POSTN: variants seen among roughly 807,000 people sequenced by gnomAD.
POSTN encodes periostin.
In POSTN, 71 loss-of-function variants were observed where a neutral mutation model predicts 104.5. The ratio of observed to expected loss-of-function variants is 0.68; its 90% confidence interval spans 0.56 to 0.83. The LOEUF (loss-of-function observed/expected upper bound fraction) is 0.83. POSTN is among the 40% of genes least tolerant of loss of function. POSTN has a pLI of 0.00. For synonymous variants in POSTN, 355 were observed against 340.7 expected (o/e 1.04, Z -0.46); for missense variants, 949 against 1,006.8 (o/e 0.94, Z 0.78).
At chr13:37,577,129 G>A (rs578251193) in intron 16 of POSTN, among the ~76,000 whole-genome samples, 3 of 152,184 alleles carry the variant, frequency 2.0e-5, no homozygotes, top group South Asian at 2.1e-4. Flanking sequence ...TATACTACTA[G>A]CTACACTTAT....
At chr13:37,592,525 C>T (rs1260872505) in intron 2 of POSTN, among the ~76,000 whole-genome samples, 1 of 152,164 alleles carries the variant, frequency 6.6e-6, no homozygotes, top group African/African-American at 2.4e-5. Context: ...GTCTCAATTT[C>T]CTGACCTCAT....
At chr13:37,566,678 C>T (rs1166102823) in intron 21 of POSTN, among the ~76,000 whole-genome samples, 8 of 152,240 alleles carry the variant, frequency 5.3e-5, no homozygotes, top group South Asian at 4.1e-4. Context: ...GGCAGATTTG[C>T]GAAAACCTTC....
At position 37,589,231 on chromosome 13, in the gene POSTN, G is replaced by A. The variant is rs539830182; in HGVS notation, c.441+1141C>T. ...GAAGAAACAAGTCCAAACAACAAGC[G>A]TAGGTTTACTGTTTGTATGCACTAA... On this transcript the variant is annotated intron_variant, in intron 4 of 22. Transcript: ENST00000379747. Among the ~76,000 whole-genome samples the A allele has an allele frequency of 2.0e-5, 3 of 152,246 alleles. No individual in the cohort carries two copies. In the East Asian group the frequency reaches 5.8e-4, roughly 29 times the overall value.
chr13:37,580,439 A>G, intron 11 of POSTN, 122 bp downstream of exon 11: 1 of 1,120,208 alleles, frequency 8.9e-7, no homozygotes, highest in Non-Finnish European at 1.3e-6. Flanking sequence ...TTGTATGAAC[A>G]TTTTATTCTA....
At chr13:37,571,785 A>G (rs981361918) in intron 17 of POSTN, among the ~76,000 whole-genome samples, 1 of 151,742 alleles carries the variant, frequency 6.6e-6, no homozygotes, top group Non-Finnish European at 1.5e-5. Context: ...CAGATCATGC[A>G]GTATGTACAC....
intron 2 of POSTN, among the ~76,000 whole-genome samples, chr13:37,592,456 G>A (rs1447707278): frequency 6.6e-6 from 1 of 151,968 alleles, no homozygotes; most frequent in Non-Finnish European, 1.5e-5. Flanking sequence ...CTACCACCAC[G>A]CCTGGCTAAT....
intron 10 of POSTN, among the ~76,000 whole-genome samples, 172 bp downstream of exon 10, chr13:37,582,194 C>A (rs969913692): frequency 6.6e-6 from 1 of 152,178 alleles, no homozygotes; most frequent in African/African-American, 2.4e-5. Flanking sequence ...ATACATAGCA[C>A]TTGTTGTGGA....
At chr13:37,566,325 A>G (rs1180066342) in intron 21 of POSTN, among the ~76,000 whole-genome samples, 2 of 152,148 alleles carry the variant, frequency 1.3e-5, no homozygotes, top group Non-Finnish European at 2.9e-5. Context: ...AATTATTTTG[A>G]CATTTTATTT....
Position 37,563,297 on chromosome 13 carries a change from G to C in POSTN, c.*36C>G. The stretch of plus-strand genomic sequence containing the variant: ...TTTCTAAGGTCAGGTTATTGACTTA[G>C]GGTTGTATAAACATTTTTTTCTGGT... On this transcript the variant is annotated 3_prime_UTR_variant, in exon 23 of 23. Coordinates refer to ENST00000379747, the MANE Select transcript of POSTN (RefSeq NM_006475.3). 1 of 1,504,460 alleles carries C rather than the reference G, an allele frequency of 6.6e-7. No individual in the cohort carries two copies. The highest frequency in any genetic ancestry group is 1.7e-4 in the Middle Eastern group (1 of 5,770). The allele number at this position is 1,504,460 out of a possible 1,614,324, so 93.2% of individuals were successfully genotyped here. A position where few individuals can be genotyped will look rare whatever the true frequency, so the allele number is the denominator to read the frequency against.
At position 37,595,834 on chromosome 13, in the gene POSTN, A is replaced by G. The variant is rs997108206; in HGVS notation, c.218+1350T>C. On this transcript the variant is annotated intron_variant, in intron 2 of 22. Coordinates refer to ENST00000379747, the MANE Select transcript of POSTN (RefSeq NM_006475.3). ...ATCTTTTTTTTTTTTTTTTTGAGAC[A>G]GAGTCTCACTCTGTTGCCCACTCGG... Among the ~76,000 whole-genome samples, 14 of 147,044 alleles carry G rather than the reference A, an allele frequency of 9.5e-5. No individual in the cohort carries two copies. In the Admixed American group the frequency reaches 9.5e-4, roughly 10 times the overall value.
At chr13:37,581,568 TA>T (rs554414669) in intron 10 of POSTN, among the ~76,000 whole-genome samples, 1 of 151,942 alleles carries the variant, frequency 6.6e-6, no homozygotes, top group African/African-American at 2.4e-5. Flanking sequence ...AAAATTAAAT[TA>T]AAAAATTAAC....
chr13:37,585,991 G>T, intron 7 of POSTN, 148 bp downstream of exon 7: 1 of 575,214 alleles, frequency 1.7e-6, no homozygotes, highest in South Asian at 5.0e-5. Context: ...CTCTTTTAAG[G>T]ACTTTTGGAA....
At chr13:37,597,863 C>T (rs1263209379) in intron 1 of POSTN, among the ~76,000 whole-genome samples, 1 of 152,162 alleles carries the variant, frequency 6.6e-6, no homozygotes, top group Admixed American at 6.5e-5. Flanking sequence ...CATCCTCTGT[C>T]ACAATTTTAA....
chr13:37,590,336 CA>C, intron 4 of POSTN, 35 bp downstream of exon 4: 1 of 1,459,670 alleles, frequency 6.9e-7, no homozygotes, highest in Non-Finnish European at 9.2e-7. Flanking sequence ...ACAATAACAG[CA>C]AAAAATAAAT....
chr13:37,571,273 A>T, intron 18 of POSTN, 96 bp downstream of exon 18: 1 of 812,616 alleles, frequency 1.2e-6, no homozygotes, highest in Non-Finnish European at 1.9e-6. Flanking sequence ...AATAAGAACT[A>T]AGAGAAAATA....
chr13:37,595,792 G>C lies in POSTN; in HGVS notation c.218+1392C>G, dbSNP rs183347796. On this transcript the variant is annotated intron_variant, in intron 2 of 22. Transcript: ENST00000379747. ...TACAGGTAAGTCTACAAGAAGTTAAGTGATTCCATATTTAGTATCTTTTTT... is the reference window on the plus strand; with the variant it reads ...TACAGGTAAGTCTACAAGAAGTTAACTGATTCCATATTTAGTATCTTTTTT... Among the ~76,000 whole-genome samples, 575 of 150,852 alleles carry C rather than the reference G, an allele frequency of 3.8e-3. 4 individuals carry two copies. Among genetic ancestry groups the C allele is most frequent in the Middle Eastern group, 7.0e-3 (2 of 284 alleles).
In POSTN at chr13:37,584,750, G is replaced by A. The variant is rs761481377; in HGVS notation, c.1074C>T (p.Ile358=). ...KKDIVTNNGV[I]HLIDQVLIPD... is the part of the protein sequence containing the mutation. ...GAATTAGGACCTGATCAATCAAATG[G>A]ATCACACCATTATTTGTCACAATAT... Residue 358 remains isoleucine (I), a synonymous_variant, in exon 8 of 23, where the codon ATC becomes ATT. Coordinates refer to ENST00000379747, the MANE Select transcript of POSTN (RefSeq NM_006475.3). 6.2e-7 allele frequency: 1 copy of A among 1,613,652 alleles called. No individual in the cohort carries two copies. The highest frequency in any genetic ancestry group is 1.3e-5 in the African/African-American group (1 of 74,882).
At chr13:37,574,199 A>G (rs1332710486) in intron 17 of POSTN, among the ~76,000 whole-genome samples, 2 of 151,554 alleles carry the variant, frequency 1.3e-5, no homozygotes, top group Non-Finnish European at 3.0e-5. Context: ...GCACTGTTAT[A>G]AGAAAGAACA....
chr13:37,566,216 G>C (rs1244431463), intron 21 of POSTN, among the ~76,000 whole-genome samples: 1 of 152,158 alleles, frequency 6.6e-6, no homozygotes, highest in Non-Finnish European at 1.5e-5. Flanking sequence ...ATCATGTTTA[G>C]AGCAGCAAAA....
Sources: gnomAD v4.1 joint callset for allele counts (sites outside exome capture counted in the v4.1 genomes callset) on GRCh38, gnomAD v4.1.1 for gene constraint, MANE v1.5 for transcripts, NCBI Gene and HGNC (gene_info 2026-07-23, HGNC 2026-07-21) for gene names.